The following DTHD1 variants were observed in gnomAD, a reference collection of about 807,000 sequenced individuals.
The protein encoded by DTHD1 is death domain-containing protein 1.
DTHD1 carries 59 observed loss-of-function variants against 74.8 expected under a neutral mutation model. The observed-to-expected ratio is 0.79, with a 90% confidence interval of 0.64 to 0.98. DTHD1 has a LOEUF of 0.98. Ranked by LOEUF, DTHD1 falls within the 50% of genes least tolerant of loss-of-function variation. The probability of loss-of-function intolerance (pLI) is 0.00; values close to 1 mark genes in which losing one functional copy is unlikely to be tolerated. For synonymous variants in DTHD1, 365 were observed against 371.1 expected, an observed-to-expected ratio of 0.98 and a Z score of 0.19; for missense variants, 1,051 against 1,065.4, an observed-to-expected ratio of 0.99 and a Z score of 0.19.
intron 2 of DTHD1, among the ~76,000 whole-genome samples, chr4:36,285,673 A>C (rs1240323524): frequency 6.6e-6 from 1 of 151,518 alleles, no homozygotes; most frequent in African/African-American, 2.4e-5. Flanking sequence ...TTTGGGCATC[A>C]GACAAACTTA....
In DTHD1 at chr4:36,295,043, A is replaced by G. The variant is rs1283683822; in HGVS notation, c.1643+4A>G. On this transcript the variant is annotated splice_donor_region_variant and intron_variant, in intron 5 of 9. Transcript: ENST00000639862. ...TTACACCTTCGTATTTCAACCGGTG[A>G]GTAAGTTTCTAATATTGTAAACTGG... 1.3e-6 allele frequency: 2 copies of G among 1,526,658 alleles called. No individual in the cohort carries two copies. The highest frequency in any genetic ancestry group is 2.0e-5 in the Admixed American group (1 of 49,522). 94.6% of individuals were successfully genotyped at this position (1,526,658 alleles called of 1,614,324 possible).
intron 5 of DTHD1, 28 bp downstream of exon 5, chr4:36,295,067 G>A: frequency 6.8e-7 from 1 of 1,473,984 alleles, no homozygotes; most frequent in Non-Finnish European, 9.1e-7. Flanking sequence ...ATTGTAAACT[G>A]GCTTAATGTC....
At chr4:36,304,074 T>C (rs2109488180) in intron 5 of DTHD1, among the ~76,000 whole-genome samples, 1 of 152,330 alleles carries the variant, frequency 6.6e-6, no homozygotes, top group South Asian at 2.1e-4. Context: ...CATTAATGAA[T>C]GACCAATGCA....
intron 2 of DTHD1, among the ~76,000 whole-genome samples, chr4:36,289,576 T>C (rs1014844770): frequency 1.3e-5 from 2 of 152,032 alleles, no homozygotes; most frequent in African/African-American, 4.8e-5. Flanking sequence ...AGCACCTACC[T>C]AATACAATAG....
At chr4:36,341,418 A>G (rs929908788) in intron 9 of DTHD1, among the ~76,000 whole-genome samples, 2 of 152,212 alleles carry the variant, frequency 1.3e-5, no homozygotes, top group South Asian at 2.1e-4. Flanking sequence ...CAAAGTTAGG[A>G]GAACTCAAGT....
intron 9 of DTHD1, among the ~76,000 whole-genome samples, chr4:36,341,054 A>C (rs1206924305): frequency 1.3e-5 from 2 of 152,148 alleles, no homozygotes; most frequent in Non-Finnish European, 1.5e-5. Flanking sequence ...GCCTCTCATA[A>C]GATTGGAAAG....
intron 8 of DTHD1, among the ~76,000 whole-genome samples, chr4:36,327,988 C>T (rs779659939): frequency 1.3e-5 from 2 of 152,054 alleles, no homozygotes; most frequent in Non-Finnish European, 2.9e-5. Flanking sequence ...CTTGAAAAAA[C>T]TATAAAGAGA....
intron 8 of DTHD1, among the ~76,000 whole-genome samples, chr4:36,328,316 G>A (rs1758467482): frequency 6.6e-6 from 1 of 152,122 alleles, no homozygotes; most frequent in Non-Finnish European, 1.5e-5. Flanking sequence ...CTATGTGGAG[G>A]TACTTCCTTT....
rs994381270 is a variant in DTHD1 at position 36,346,460 on chromosome 4, C to G, written c.*2636C>G. Reference sequence around the variant, plus strand: ...ACAAATACTGCACATATTGTTGTTACAGTAAAGCAATAAAAAGGTACATAG... The same window carrying G: ...ACAAATACTGCACATATTGTTGTTAGAGTAAAGCAATAAAAAGGTACATAG... On this transcript the variant is annotated 3_prime_UTR_variant, in exon 10 of 10. Coordinates refer to ENST00000639862, the MANE Select transcript of DTHD1 (RefSeq NM_001170700.3). Among the ~76,000 whole-genome samples, 1 of 151,950 alleles carries G rather than the reference C, an allele frequency of 6.6e-6. No individual in the cohort carries two copies. The highest frequency in any genetic ancestry group is 2.4e-5 in the African/African-American group (1 of 41,368).
chr4:36,314,058 C>A (rs919995251), intron 7 of DTHD1, among the ~76,000 whole-genome samples: 6 of 148,770 alleles, frequency 4.0e-5, no homozygotes, highest in Non-Finnish European at 5.9e-5. Flanking sequence ...TCATTTGTCT[C>A]CTAGGAATCT....
intron 6 of DTHD1, among the ~76,000 whole-genome samples, chr4:36,307,713 C>T (rs1032600738): frequency 1.3e-5 from 2 of 152,144 alleles, no homozygotes; most frequent in Non-Finnish European, 2.9e-5. Flanking sequence ...AATTATTGTG[C>T]TCATCTTTCT....
Position 36,343,950 on chromosome 4 carries a change from T to C in DTHD1, c.*126T>C. The C allele has an allele frequency of 1.1e-6, 1 of 930,600 alleles. No homozygotes were observed. The highest frequency in any genetic ancestry group is 1.6e-6 in the Non-Finnish European group (1 of 638,546). The allele number at this position is 930,600 out of a possible 1,614,324, so 57.6% of individuals were successfully genotyped here. On this transcript the variant is annotated 3_prime_UTR_variant, in exon 10 of 10. Transcript: ENST00000639862. ...TCAGTCTATTTAATGATGTGCTATT[T>C]AATGATGTGAGACAAAGGGAGAAGC... is the stretch of plus-strand genomic sequence containing the variant.
At chr4:36,331,542 G>T (rs927403342) in intron 8 of DTHD1, among the ~76,000 whole-genome samples, 3 of 152,066 alleles carry the variant, frequency 2.0e-5, no homozygotes, top group African/African-American at 4.8e-5. Flanking sequence ...ACTTTTACTT[G>T]TATGTCTTTT....
chr4:36,332,247 T>C (rs577027773), intron 8 of DTHD1, among the ~76,000 whole-genome samples: 1 of 128,484 alleles, frequency 7.8e-6, no homozygotes, highest in African/African-American at 3.5e-5. Context: ...TAAAATAAAA[T>C]AAAATAAAAT....
intron 5 of DTHD1, among the ~76,000 whole-genome samples, chr4:36,305,256 A>G (rs1756974489): frequency 6.6e-6 from 1 of 152,330 alleles, no homozygotes; most frequent in South Asian, 2.1e-4. Context: ...TGCCACTGAT[A>G]AAGACATACC....
chr4:36,321,065 C>T (rs1758010614), intron 8 of DTHD1, among the ~76,000 whole-genome samples: 1 of 152,202 alleles, frequency 6.6e-6, no homozygotes, highest in African/African-American at 2.4e-5. Flanking sequence ...CTCTGCGTCT[C>T]TTATTCTTCA....
At chr4:36,300,305 T>G (rs1455778898) in intron 5 of DTHD1, among the ~76,000 whole-genome samples, 2 of 152,210 alleles carry the variant, frequency 1.3e-5, no homozygotes, top group African/African-American at 4.8e-5. Flanking sequence ...TTAGCCTTCT[T>G]GAGAGTCTTG....
intron 5 of DTHD1, among the ~76,000 whole-genome samples, chr4:36,301,460 A>T (rs1006948239): frequency 1.3e-5 from 2 of 152,158 alleles, no homozygotes; most frequent in Non-Finnish European, 2.9e-5. Context: ...TGGAAAAAAA[A>T]TGATCATTAA....
chr4:36,337,908 A>G (rs1759101272), intron 8 of DTHD1, among the ~76,000 whole-genome samples: 1 of 152,230 alleles, frequency 6.6e-6, no homozygotes, highest in South Asian at 2.1e-4. Flanking sequence ...AAGTTGCAAA[A>G]TATAGTACAG....
Sources: gnomAD v4.1 joint callset for allele counts (sites outside exome capture counted in the v4.1 genomes callset) on GRCh38, gnomAD v4.1.1 for gene constraint, MANE v1.5 for transcripts, NCBI Gene and HGNC (gene_info 2026-07-23, HGNC 2026-07-21) for gene names.